ARHGAP26: variants seen among roughly 807,000 people sequenced by gnomAD.
ARHGAP26 encodes rho GTPase-activating protein 26.
ARHGAP26 carries 38 observed loss-of-function variants against 104.8 expected under a neutral mutation model. That is an observed-to-expected ratio of 0.36 (90% CI 0.28 to 0.48). The LOEUF is 0.48. ARHGAP26 is among the 20% of genes least tolerant of loss of function. The pLI is 0.99. For synonymous variants in ARHGAP26, 341 were observed against 340.0 expected, an observed-to-expected ratio of 1.00 and a Z score of -0.03; for missense variants, 704 against 947.9, an observed-to-expected ratio of 0.74 and a Z score of 3.38.
chr5:142,782,007 G>A (rs946232923), intron 1 of ARHGAP26, among the ~76,000 whole-genome samples: 1 of 152,182 alleles, frequency 6.6e-6, no homozygotes, highest in Non-Finnish European at 1.5e-5. Flanking sequence ...GAGCCACTGC[G>A]CCTGGCCGAT....
chr5:142,904,581 G>A (rs1760844014), intron 8 of ARHGAP26, among the ~76,000 whole-genome samples: 1 of 152,016 alleles, frequency 6.6e-6, no homozygotes, highest in African/African-American at 2.4e-5. Context: ...TCTAGGAAAG[G>A]AATGCCAGGT....
At chr5:142,788,560 G>A (rs1759131482) in intron 1 of ARHGAP26, among the ~76,000 whole-genome samples, 1 of 152,122 alleles carries the variant, frequency 6.6e-6, no homozygotes. Flanking sequence ...ATATTGGGTT[G>A]GGAAAAGAGC....
Position 142,866,532 on chromosome 5 carries a change from T to A in ARHGAP26, c.155-6868T>A, listed in dbSNP as rs1214377760. On this transcript the variant is annotated intron_variant, in intron 1 of 22. Coordinates refer to ENST00000645722, the MANE Select transcript of ARHGAP26 (RefSeq NM_001135608.3). ...ATATTCATAGTTATTTGGATGTAGA[T>A]TAAGGTGAGTTTGGGTAGCCCAAAT... Among the ~76,000 whole-genome samples, 4 of 152,340 alleles carry A rather than the reference T, an allele frequency of 2.6e-5. No individual in the cohort carries two copies. The East Asian group carries it at 7.7e-4, about 29-fold the overall frequency.
At position 142,871,175 on chromosome 5, in the gene ARHGAP26, T is replaced by C. The variant is rs1561989137; in HGVS notation, c.155-2225T>C. 6.6e-6 allele frequency among the ~76,000 whole-genome samples: 1 copy of C among 152,190 alleles called. No homozygotes were observed. Among genetic ancestry groups the C allele is most frequent in the Non-Finnish European group, 1.5e-5 (1 of 68,036 alleles). The stretch of plus-strand genomic sequence containing the variant: ...TCCTCACTGCTTCTCAGGCTTGCAC[T>C]GTGGCAGGGTGTGCTCTGTGCCAGT... On this transcript the variant is annotated intron_variant, in intron 1 of 22. Transcript: ENST00000645722. This position sits in a 1 kb window ranked among gnomAD's most constrained non-coding sequence, Gnocchi z 4.1.
chr5:143,049,788 T>C (rs1426201413), intron 14 of ARHGAP26, among the ~76,000 whole-genome samples: 6 of 152,304 alleles, frequency 3.9e-5, no homozygotes, highest in South Asian at 2.1e-4. Context: ...TAAGCCTGCA[T>C]TGATTTTTCC....
intron 11 of ARHGAP26, among the ~76,000 whole-genome samples, chr5:142,935,529 A>G (rs1765287901): frequency 1.3e-5 from 2 of 152,234 alleles, no homozygotes; most frequent in Admixed American, 1.3e-4. Context: ...GTCATGGGCC[A>G]TACATAGTTT....
At chr5:143,012,625 A>G (rs1355296414) in intron 11 of ARHGAP26, among the ~76,000 whole-genome samples, 2 of 126,966 alleles carry the variant, frequency 1.6e-5, no homozygotes, top group African/African-American at 5.5e-5. Flanking sequence ...AACCTTAATG[A>G]CCAAAGAAGG....
intron 1 of ARHGAP26, among the ~76,000 whole-genome samples, chr5:142,825,137 G>A (rs1384974480): frequency 1.3e-5 from 2 of 152,146 alleles, no homozygotes; most frequent in African/African-American, 4.8e-5. Flanking sequence ...TGCGATCTTG[G>A]GCATAATAAC....
chr5:143,214,742 A>C (rs1018733763), intron 22 of ARHGAP26, among the ~76,000 whole-genome samples: 2 of 152,208 alleles, frequency 1.3e-5, no homozygotes, highest in Admixed American at 6.5e-5. Context: ...ACAGGTAGAC[A>C]AAAGGGGGAA....
At chr5:142,797,415 G>A (rs1424569286) in intron 1 of ARHGAP26, among the ~76,000 whole-genome samples, 1 of 152,218 alleles carries the variant, frequency 6.6e-6, no homozygotes, top group Non-Finnish European at 1.5e-5. Context: ...ATATTTGAGT[G>A]TTGAGAAGCT....
At chr5:143,115,497 G>C (rs1258362189) in intron 17 of ARHGAP26, among the ~76,000 whole-genome samples, 2 of 151,466 alleles carry the variant, frequency 1.3e-5, no homozygotes, top group Non-Finnish European at 2.9e-5. Context: ...AACATAAGTG[G>C]AGAAGATGCA....
At chr5:143,221,599 G>A (rs541719775) in intron 22 of ARHGAP26, among the ~76,000 whole-genome samples, 13 of 152,104 alleles carry the variant, frequency 8.5e-5, no homozygotes, top group Admixed American at 1.3e-4. Flanking sequence ...CTGCAGCCTC[G>A]ACCTGCTGAG....
At chr5:142,955,125 C>CA (rs1554169173) in intron 11 of ARHGAP26, among the ~76,000 whole-genome samples, 68,108 of 149,900 alleles carry the variant, frequency 0.45, 18,352 homozygotes, top group East Asian at 0.86. Context: ...CACACACACA[C>CA]CCCCCATCTC....
intron 17 of ARHGAP26, among the ~76,000 whole-genome samples, chr5:143,113,110 G>A (rs1459545192): frequency 6.6e-6 from 1 of 152,218 alleles, no homozygotes; most frequent in Non-Finnish European, 1.5e-5. Flanking sequence ...AGGGAATGGA[G>A]TTGAATTAGA....
intron 1 of ARHGAP26, among the ~76,000 whole-genome samples, chr5:142,831,311 C>G (rs1768379049): frequency 6.6e-6 from 1 of 152,152 alleles, no homozygotes. Flanking sequence ...GGTTTTGTGG[C>G]ACTGTGTTAT....
At chr5:142,843,653 T>C (rs1054167977) in intron 1 of ARHGAP26, among the ~76,000 whole-genome samples, 4 of 152,236 alleles carry the variant, frequency 2.6e-5, no homozygotes, top group African/African-American at 9.6e-5. Context: ...TTTTGATGAT[T>C]AAAACATTTC....
chr5:143,169,484 A>G (rs1368004570), intron 20 of ARHGAP26: 1 of 152,198 alleles, frequency 6.6e-6, no homozygotes, highest in South Asian at 2.1e-4. Flanking sequence ...GGTGGTTACC[A>G]CCAGCTGGAC....
intron 12 of ARHGAP26, among the ~76,000 whole-genome samples, chr5:143,033,645 A>G (rs1782205051): frequency 6.6e-6 from 1 of 152,154 alleles, no homozygotes; most frequent in South Asian, 2.1e-4. Context: ...GGGTAAAGAA[A>G]TAGCCTTTGT....
intron 17 of ARHGAP26, among the ~76,000 whole-genome samples, chr5:143,111,682 T>C (rs899475552): frequency 2.0e-5 from 3 of 152,374 alleles, no homozygotes; most frequent in South Asian, 2.1e-4. Context: ...CTATTAAATG[T>C]ACTGAAAGGA....
Sources: gnomAD v4.1 joint callset for allele counts (sites outside exome capture counted in the v4.1 genomes callset) on GRCh38, gnomAD v4.1.1 for gene constraint, Gnocchi (gnomAD v3.1) non-coding constraint, MANE v1.5 for transcripts, NCBI Gene and HGNC (gene_info 2026-07-23, HGNC 2026-07-21) for gene names.